TOGARAM2: variants seen among roughly 807,000 people sequenced by gnomAD.
TOGARAM2 encodes the protein TOG array regulator of axonemal microtubules 2.
A neutral mutation model predicts 93.3 loss-of-function variants in TOGARAM2; 85 were observed. The ratio of observed to expected loss-of-function variants is 0.91; its 90% confidence interval spans 0.76 to 1.09. The LOEUF (loss-of-function observed/expected upper bound fraction) is 1.09, where lower values mean the gene tolerates loss of function less well. TOGARAM2 is among the 50% of genes least tolerant of loss of function. TOGARAM2 has a pLI of 0.00. For missense variants in TOGARAM2, 1,277 were observed against 1,334.5 expected (o/e 0.96, Z 0.67); for synonymous variants, 593 against 552.8 (o/e 1.07, Z -1.02).
chr2:29,012,045 G>A (rs1664282385), intron 7 of TOGARAM2, among the ~76,000 whole-genome samples: 1 of 152,200 alleles, frequency 6.6e-6, no homozygotes. Context: ...CAGGATATAG[G>A]GCCAGCACAG....
chr2:28,995,905 G>A (rs1672966273), intron 2 of TOGARAM2, among the ~76,000 whole-genome samples: 2 of 152,214 alleles, frequency 1.3e-5, no homozygotes, highest in African/African-American at 4.8e-5. Flanking sequence ...GGCTCGGGAA[G>A]GGCTGAGCCA....
intron 1 of TOGARAM2, among the ~76,000 whole-genome samples, chr2:28,985,679 C>T (rs1265270986): frequency 6.6e-6 from 1 of 152,166 alleles, no homozygotes; most frequent in East Asian, 1.9e-4. Flanking sequence ...AGGACCACAG[C>T]CCACTCATAT....
At chr2:28,968,201 TTAAA>T (rs1362778719) in intron 1 of TOGARAM2, among the ~76,000 whole-genome samples, 3 of 152,222 alleles carry the variant, frequency 2.0e-5, no homozygotes, top group Admixed American at 6.5e-5. Context: ...CAAAACTAGC[TTAAA>T]TAGAGTCAAT....
chr2:29,009,386 G>A (rs1007192217), intron 6 of TOGARAM2, among the ~76,000 whole-genome samples: 1 of 152,184 alleles, frequency 6.6e-6, no homozygotes, highest in East Asian at 1.9e-4. Flanking sequence ...GGCATCTGCT[G>A]TGACTTAGAA....
intron 11 of TOGARAM2, among the ~76,000 whole-genome samples, chr2:29,022,832 G>T (rs531740688): frequency 5.3e-5 from 8 of 152,326 alleles, no homozygotes; most frequent in South Asian, 4.1e-4. Flanking sequence ...GGTCCTGGAG[G>T]GGGGTGGGCT....
intron 1 of TOGARAM2, among the ~76,000 whole-genome samples, chr2:28,959,245 A>G (rs1393760234): frequency 1.3e-5 from 2 of 152,172 alleles, no homozygotes; most frequent in Non-Finnish European, 2.9e-5. Context: ...GCTTGAATTG[A>G]TGTTTCCCCC....
chr2:29,042,665 G>A (rs758186043), intron 18 of TOGARAM2, among the ~76,000 whole-genome samples: 4 of 152,154 alleles, frequency 2.6e-5, no homozygotes, highest in Non-Finnish European at 5.9e-5. Context: ...ACACAGCTGC[G>A]CCGGCTCTCC....
In TOGARAM2 at chr2:29,017,961, G is replaced by A. The variant is rs1310345411; in HGVS notation, c.1360+5G>A. 6.3e-7 allele frequency: 1 copy of A among 1,594,416 alleles called. No individual in the cohort carries two copies. Among genetic ancestry groups the A allele is most frequent in the South Asian group, 1.1e-5 (1 of 88,482 alleles). On this transcript the variant is annotated splice_donor_5th_base_variant and intron_variant, in intron 10 of 19. Coordinates refer to ENST00000379558, the MANE Select transcript of TOGARAM2 (RefSeq NM_199280.4). Reference sequence around the variant, plus strand: ...GCTTTGCCCGCCACGCCTCAGGTGGGCAGGCCCGACTGGCAGGCACACGTG... The same window carrying A: ...GCTTTGCCCGCCACGCCTCAGGTGGACAGGCCCGACTGGCAGGCACACGTG...
intron 1 of TOGARAM2, among the ~76,000 whole-genome samples, chr2:28,990,547 C>T (rs1157659843): frequency 6.6e-6 from 1 of 152,220 alleles, no homozygotes; most frequent in African/African-American, 2.4e-5. Context: ...TAGGCCGCCT[C>T]CTCGGCCTGG....
intron 18 of TOGARAM2, among the ~76,000 whole-genome samples, chr2:29,041,871 A>G (rs1480373613): frequency 6.6e-6 from 1 of 152,230 alleles, no homozygotes; most frequent in Non-Finnish European, 1.5e-5. Flanking sequence ...CTGGGCTCTC[A>G]GAGTTTTAAG....
chr2:29,005,866 CAG>C (rs1663736177), intron 6 of TOGARAM2, among the ~76,000 whole-genome samples: 1 of 133,126 alleles, frequency 7.5e-6, no homozygotes, highest in Non-Finnish European at 1.6e-5. Flanking sequence ...GCATATGTGT[CAG>C]TGCATGTTGT....
Position 29,035,512 on chromosome 2 carries a change from G to T in TOGARAM2, c.2274G>T (p.Gln758His), listed in dbSNP as rs781665379. ...PRLVGLRSTL[Q>H]GRGEMVEQLR... Reference sequence around the variant, plus strand: ...TGGTGGGGCTGCGCTCCACACTGCAGGGCCGCGGGGAGATGGTGGAGCAGC... The same window carrying T: ...TGGTGGGGCTGCGCTCCACACTGCATGGCCGCGGGGAGATGGTGGAGCAGC... Residue 758 changes from glutamine (Q) to histidine (H), a missense_variant, in exon 17 of 20, where the codon CAG becomes CAT. Coordinates refer to ENST00000379558, the MANE Select transcript of TOGARAM2 (RefSeq NM_199280.4). 2.7e-5 allele frequency: 42 copies of T among 1,545,004 alleles called. No homozygotes were observed. The highest frequency in any genetic ancestry group is 7.8e-5 in the Admixed American group (4 of 51,348).
rs544317798 is a variant in TOGARAM2 at position 29,045,382 on chromosome 2, G to A, written c.2694G>A (p.Ala898=). 83 of 1,613,608 alleles carry A rather than the reference G, an allele frequency of 5.1e-5. No homozygotes were observed. In the East Asian group the frequency reaches 8.7e-4, roughly 17 times the overall value. ...AGRVRFLSGR[A]VLDVTDRLAV... ...GAGTGCGTTTCCTGAGTGGCCGTGC[G>A]GTGCTGGATGTCACAGATCGCCTGG... is the stretch of plus-strand genomic sequence containing the variant. Residue 898 remains alanine (A), a synonymous_variant, in exon 19 of 20, where the codon GCG becomes GCA. Transcript: ENST00000379558.
chr2:28,992,799 C>T (rs1005716585), intron 1 of TOGARAM2, among the ~76,000 whole-genome samples: 1 of 152,156 alleles, frequency 6.6e-6, no homozygotes, highest in Non-Finnish European at 1.5e-5. Flanking sequence ...GTGGCTCATG[C>T]CTGTAATCCC....
intron 1 of TOGARAM2, among the ~76,000 whole-genome samples, chr2:28,959,931 A>T (rs1671779086): frequency 6.6e-6 from 1 of 152,228 alleles, no homozygotes; most frequent in Non-Finnish European, 1.5e-5. Context: ...AGCCCGCTAC[A>T]CATGTGGGCT....
chr2:29,024,934 T>C (rs34098102), intron 13 of TOGARAM2, among the ~76,000 whole-genome samples: 21,509 of 152,180 alleles, frequency 0.14, 2,294 homozygotes, highest in African/African-American at 0.3. Flanking sequence ...AGGTATTGGG[T>C]TCCTGTTGGA....
intron 10 of TOGARAM2, among the ~76,000 whole-genome samples, chr2:29,020,742 A>G (rs1664890111): frequency 1.3e-5 from 2 of 152,228 alleles, no homozygotes; most frequent in South Asian, 4.1e-4. Context: ...CGTTGCAGAC[A>G]GCATGTCATT....
At chr2:29,022,008 T>A in intron 10 of TOGARAM2, 150 bp from the exon 11 acceptor site, 2 of 1,009,622 alleles carry the variant, frequency 2.0e-6, no homozygotes, top group Non-Finnish European at 1.5e-6. Flanking sequence ...GTTCTTAGCC[T>A]CACCAGGCAC....
At chr2:28,963,076 C>T (rs985936070) in intron 1 of TOGARAM2, among the ~76,000 whole-genome samples, 2 of 152,064 alleles carry the variant, frequency 1.3e-5, no homozygotes, top group African/African-American at 4.8e-5. Context: ...GATCTTCCCA[C>T]CTCAGCCTCT....
Sources: gnomAD v4.1 joint callset for allele counts (sites outside exome capture counted in the v4.1 genomes callset) on GRCh38, gnomAD v4.1.1 for gene constraint, MANE v1.5 for transcripts, NCBI Gene and HGNC (gene_info 2026-07-23, HGNC 2026-07-21) for gene names.